The following CAMK1D variants were observed in gnomAD, a reference collection of about 807,000 sequenced individuals.
CAMK1D encodes calcium/calmodulin dependent protein kinase ID.
In CAMK1D, 9 loss-of-function variants were observed where a neutral mutation model predicts 47.7. That is an observed-to-expected ratio of 0.19 (90% CI 0.11 to 0.33). The LOEUF is 0.33. Among genes scored for constraint, CAMK1D ranks in the 10% least tolerant of loss-of-function variants. CAMK1D has a pLI of 1.00. For missense variants in CAMK1D, 291 were observed against 488.7 expected, an observed-to-expected ratio of 0.60 and a Z score of 3.81; for synonymous variants, 184 against 184.9, an observed-to-expected ratio of 0.99 and a Z score of 0.04.
chr10:12,733,986 C>T (rs1029285141), intron 3 of CAMK1D, among the ~76,000 whole-genome samples: 12 of 151,896 alleles, frequency 7.9e-5, no homozygotes, highest in Non-Finnish European at 7.4e-5. Context: ...CTGTGGTGGG[C>T]TAAATCCTAG....
intron 3 of CAMK1D, among the ~76,000 whole-genome samples, chr10:12,759,972 A>G (rs771459616): frequency 2.0e-4 from 31 of 152,088 alleles, no homozygotes; most frequent in Non-Finnish European, 4.1e-4. Flanking sequence ...AGCATTTCAA[A>G]TCTGTCTCAT....
rs1833483867 is a variant in CAMK1D at position 12,835,121 on chromosome 10, C to G, written c.*6234C>G. The G allele has an allele frequency of 6.6e-6, 1 of 152,202 alleles. No homozygotes were observed. The highest frequency in any genetic ancestry group is 1.5e-5 in the Non-Finnish European group (1 of 68,022). 9.4% of individuals were successfully genotyped at this position (152,202 alleles called of 1,614,324 possible). ...GTCCCACGTTCAGGTGAGAAGACCT[C>G]AAAGGTACCCTCTGTCCAGAATAAA... On this transcript the variant is annotated 3_prime_UTR_variant, in exon 11 of 11. Coordinates refer to ENST00000619168, the MANE Select transcript of CAMK1D (RefSeq NM_153498.4).
chr10:12,457,390 CAA>C (rs60189486), intron 1 of CAMK1D, among the ~76,000 whole-genome samples: 24,425 of 132,032 alleles, frequency 0.18, 2,071 homozygotes, highest in South Asian at 0.29. Flanking sequence ...GACTCTGTCT[CAA>C]AAAAAAAAAA....
chr10:12,741,360 A>G (rs1835418707), intron 3 of CAMK1D, among the ~76,000 whole-genome samples: 1 of 152,154 alleles, frequency 6.6e-6, no homozygotes, highest in South Asian at 2.1e-4. Context: ...AGATGGGTAA[A>G]TGCATCTCGC....
intron 3 of CAMK1D, among the ~76,000 whole-genome samples, chr10:12,734,845 T>G (rs939639334): frequency 6.6e-6 from 1 of 152,130 alleles, no homozygotes; most frequent in Non-Finnish European, 1.5e-5. Context: ...TGCAACAGAG[T>G]TGGGCAGAAA....
chr10:12,647,792 C>T (rs1839852561), intron 2 of CAMK1D, among the ~76,000 whole-genome samples: 1 of 152,162 alleles, frequency 6.6e-6, no homozygotes, highest in East Asian at 1.9e-4. Flanking sequence ...TGTGTGCTTA[C>T]TCAGGAGTTC....
chr10:12,551,364 C>T (rs554597692), intron 1 of CAMK1D, among the ~76,000 whole-genome samples: 27 of 152,246 alleles, frequency 1.8e-4, no homozygotes, highest in South Asian at 6.2e-4. Flanking sequence ...CAGATGGGAC[C>T]GACTAGTTGC....
chr10:12,643,502 C>T (rs1458460245), intron 2 of CAMK1D, among the ~76,000 whole-genome samples: 5 of 152,184 alleles, frequency 3.3e-5, no homozygotes, highest in African/African-American at 1.2e-4. Context: ...CCTGTCCTAT[C>T]AGTGGCGGCC....
At chr10:12,654,220 A>C (rs1840058200) in intron 2 of CAMK1D, among the ~76,000 whole-genome samples, 1 of 152,250 alleles carries the variant, frequency 6.6e-6, no homozygotes, top group Non-Finnish European at 1.5e-5. Flanking sequence ...TGTCATTAAC[A>C]GTATTTCATA....
At chr10:12,487,860 A>G (rs1215458120) in intron 1 of CAMK1D, among the ~76,000 whole-genome samples, 1 of 152,212 alleles carries the variant, frequency 6.6e-6, no homozygotes, top group Non-Finnish European at 1.5e-5. Context: ...CAAATTACCT[A>G]TAGCATAAAA....
intron 2 of CAMK1D, among the ~76,000 whole-genome samples, chr10:12,605,888 C>G (rs933305028): frequency 1.3e-5 from 2 of 152,006 alleles, no homozygotes; most frequent in Non-Finnish European, 2.9e-5. Context: ...CCTGTTGCCC[C>G]GGATGGATGG....
At chr10:12,376,784 T>C (rs567133131) in intron 1 of CAMK1D, among the ~76,000 whole-genome samples, 221 of 151,700 alleles carry the variant, frequency 1.5e-3, no homozygotes, top group Non-Finnish European at 2.7e-3. Flanking sequence ...GACAGAGTCT[T>C]GCTCTGTCGC....
In CAMK1D at chr10:12,593,434, A is replaced by C. The variant is rs910766451; in HGVS notation, c.224+40078A>C. ...GTGAAACCCTGTCTTTACCGAAAATACAAAAATTAGCCAGGCATGGTGGTG... is the reference window on the plus strand; with the variant it reads ...GTGAAACCCTGTCTTTACCGAAAATCCAAAAATTAGCCAGGCATGGTGGTG... On this transcript the variant is annotated intron_variant, in intron 2 of 10. Transcript: ENST00000619168. Among the ~76,000 whole-genome samples the C allele has an allele frequency of 2.0e-5, 3 of 152,138 alleles. No individual in the cohort carries two copies. In the South Asian group the frequency reaches 6.2e-4, roughly 32 times the overall value.
intron 3 of CAMK1D, among the ~76,000 whole-genome samples, chr10:12,749,337 G>A (rs1157411449): frequency 1.3e-5 from 2 of 150,422 alleles, no homozygotes; most frequent in African/African-American, 4.9e-5. Flanking sequence ...GGTTTTATAG[G>A]TTGTTAAAAA....
chr10:12,531,719 A>T (rs1835811144), intron 1 of CAMK1D, among the ~76,000 whole-genome samples: 1 of 152,222 alleles, frequency 6.6e-6, no homozygotes, highest in African/African-American at 2.4e-5. Flanking sequence ...GAGGAATAAG[A>T]CTTAAAACTG....
rs3061400 is a variant in CAMK1D at position 12,406,722 on chromosome 10, C to CAAAAAAAAAAA, written c.92+56832_92+56842dup. Reference sequence around the variant, plus strand: ...TGGGTGACAAAATGAGACCCTGTCTCAAAAAAAAAAAAAAAAAAAAAAAAA... The same window carrying CAAAAAAAAAAA: ...TGGGTGACAAAATGAGACCCTGTCTCAAAAAAAAAAAAAAAAAAAAAAAAAAAAAAAAAAAA... On this transcript the variant is annotated intron_variant, in intron 1 of 10. Transcript: ENST00000619168. 7.8e-4 allele frequency among the ~76,000 whole-genome samples: 54 copies of CAAAAAAAAAAA among 69,240 alleles called. 3 individuals are homozygous for CAAAAAAAAAAA. Among genetic ancestry groups the CAAAAAAAAAAA allele is most frequent in the African/African-American group, 3.3e-3 (48 of 14,388 alleles). The allele number at this position is 69,240 out of a possible 152,430, so 45.4% of individuals were successfully genotyped here.
intron 2 of CAMK1D, among the ~76,000 whole-genome samples, chr10:12,662,124 A>G (rs1840290371): frequency 6.6e-6 from 1 of 152,240 alleles, no homozygotes; most frequent in African/African-American, 2.4e-5. Flanking sequence ...GAGCTCTGAC[A>G]TGTAACCTTC....
At chr10:12,802,878 A>G (rs531039511) in intron 6 of CAMK1D, among the ~76,000 whole-genome samples, 184 of 152,282 alleles carry the variant, frequency 1.2e-3, no homozygotes, top group African/African-American at 4.3e-3. Context: ...TTCTAAAAGT[A>G]TGATACAGAA....
At chr10:12,447,360 G>C (rs1057172530) in intron 1 of CAMK1D, among the ~76,000 whole-genome samples, 1 of 152,152 alleles carries the variant, frequency 6.6e-6, no homozygotes, top group Non-Finnish European at 1.5e-5. Flanking sequence ...AGAGGCCTCT[G>C]CTGGCCACTG....
Sources: gnomAD v4.1 joint callset for allele counts (sites outside exome capture counted in the v4.1 genomes callset) on GRCh38, gnomAD v4.1.1 for gene constraint, MANE v1.5 for transcripts, NCBI Gene and HGNC (gene_info 2026-07-23, HGNC 2026-07-21) for gene names.